EXOC6: variants seen among roughly 807,000 people sequenced by gnomAD.
EXOC6 encodes the protein SEC15-like 1.
Under a neutral mutation model 112.5 loss-of-function variants are expected in EXOC6, and 60 were observed. The ratio of observed to expected loss-of-function variants is 0.53; its 90% confidence interval spans 0.43 to 0.66. EXOC6 has a LOEUF of 0.66. Among genes scored for constraint, EXOC6 ranks in the 30% least tolerant of loss-of-function variants. The probability of loss-of-function intolerance (pLI) is 0.00; values close to 1 mark genes in which losing one functional copy is unlikely to be tolerated. For missense variants in EXOC6, 855 were observed against 957.1 expected (o/e 0.89, Z 1.41); for synonymous variants, 295 against 308.0 (o/e 0.96, Z 0.44).
intron 5 of EXOC6, among the ~76,000 whole-genome samples, chr10:92,908,562 G>A (rs1396156926): frequency 6.6e-6 from 1 of 152,004 alleles, no homozygotes; most frequent in East Asian, 1.9e-4. Context: ...TATTATTGTA[G>A]GAAACTGATA....
intron 20 of EXOC6, among the ~76,000 whole-genome samples, chr10:93,041,228 C>A (rs903429036): frequency 2.6e-5 from 3 of 114,222 alleles, no homozygotes; most frequent in African/African-American, 1.1e-4. Context: ...TAACTACTTG[C>A]CTACCTATTC....
At chr10:92,847,808 T>C (rs1469220164), upstream of EXOC6, among the ~76,000 whole-genome samples, 1 of 149,918 alleles carries the variant, frequency 6.7e-6, no homozygotes, top group Non-Finnish European at 1.5e-5. Flanking sequence ...TCACGGACTT[T>C]GGTATGAATT....
chr10:93,028,545 T>C (rs1371396243), intron 20 of EXOC6, among the ~76,000 whole-genome samples: 1 of 151,782 alleles, frequency 6.6e-6, no homozygotes, highest in African/African-American at 2.4e-5. Flanking sequence ...CACAAGGAAA[T>C]TAGAATATGC....
intron 15 of EXOC6, among the ~76,000 whole-genome samples, chr10:92,952,950 A>G (rs1028268820): frequency 1.3e-5 from 2 of 152,204 alleles, no homozygotes; most frequent in Non-Finnish European, 1.5e-5. Flanking sequence ...TATTGTGAAT[A>G]GTGCTGTAAT....
intron 21 of EXOC6, among the ~76,000 whole-genome samples, chr10:93,057,669 AAAAT>A (rs1846610612): frequency 6.6e-6 from 1 of 152,220 alleles, no homozygotes; most frequent in Non-Finnish European, 1.5e-5. Context: ...CTGGATAAGA[AAAAT>A]AAAAAAGTAT....
intron 12 of EXOC6, among the ~76,000 whole-genome samples, chr10:92,938,235 C>T (rs1202603406): frequency 6.6e-6 from 1 of 151,944 alleles, no homozygotes; most frequent in African/African-American, 2.4e-5. Context: ...TTACATAAAC[C>T]CTTGCAAGGA....
At chr10:92,909,950 C>T (rs1045269552) in intron 6 of EXOC6, among the ~76,000 whole-genome samples, 5 of 152,262 alleles carry the variant, frequency 3.3e-5, no homozygotes, top group Non-Finnish European at 5.9e-5. Flanking sequence ...AGTGGCAGCC[C>T]CAGAGGCAAG....
intron 19 of EXOC6, 34 bp from the exon 20 acceptor site, chr10:93,014,160 C>T: frequency 6.5e-7 from 1 of 1,542,814 alleles, no homozygotes; most frequent in Non-Finnish European, 8.9e-7. Flanking sequence ...TTTGTGATCT[C>T]ATTTTTATTC....
chr10:93,041,039 C>T (rs987145251), intron 20 of EXOC6, among the ~76,000 whole-genome samples: 3 of 152,180 alleles, frequency 2.0e-5, no homozygotes, highest in Admixed American at 6.5e-5. Context: ...GTGTGTGTCC[C>T]GCATGCTGTG....
intron 17 of EXOC6, among the ~76,000 whole-genome samples, chr10:92,969,754 C>T (rs766785660): frequency 2.0e-5 from 3 of 151,994 alleles, no homozygotes; most frequent in Admixed American, 6.6e-5. Context: ...AGTGCAGTGG[C>T]GCGATCTCAG....
At chr10:92,837,867 A>G (rs1226092732) in intron 1 of EXOC6, among the ~76,000 whole-genome samples, 1 of 152,222 alleles carries the variant, frequency 6.6e-6, no homozygotes, top group Non-Finnish European at 1.5e-5. Flanking sequence ...ATTGAGGTAG[A>G]GAGAATACTG....
intron 17 of EXOC6, among the ~76,000 whole-genome samples, chr10:92,962,850 T>G (rs1854089031): frequency 6.6e-6 from 1 of 152,198 alleles, no homozygotes. Flanking sequence ...CATGTTTGAT[T>G]TGGTTTTGTG....
rs191397251 is a variant in EXOC6 at position 92,850,275 on chromosome 10, G to A, written c.101+1641G>A. 1.2e-4 allele frequency among the ~76,000 whole-genome samples: 19 copies of A among 152,286 alleles called. No homozygotes were observed. The East Asian group carries it at 3.5e-3, about 28-fold the overall frequency. ...ATTGAGAGATTTTTGGGACACTCAGGAACAGAATATGTGTATTCATAGTGT... is the reference window on the plus strand; with the variant it reads ...ATTGAGAGATTTTTGGGACACTCAGAAACAGAATATGTGTATTCATAGTGT... On this transcript the variant is annotated intron_variant, in intron 1 of 21. Transcript: ENST00000260762.
intron 7 of EXOC6, 90 bp from the exon 8 acceptor site, chr10:92,919,892 G>T (rs1589832834): frequency 1.4e-6 from 1 of 729,390 alleles, no homozygotes; most frequent in Non-Finnish European, 2.2e-6. Context: ...CAAAGTTCAT[G>T]AATCTTCTTG....
At chr10:92,929,014 C>A (rs1224832447) in intron 9 of EXOC6, among the ~76,000 whole-genome samples, 1 of 152,176 alleles carries the variant, frequency 6.6e-6, no homozygotes, top group Non-Finnish European at 1.5e-5. Context: ...CTGAATATAG[C>A]TTTTATCCTA....
Position 92,848,565 on chromosome 10 carries a change from T to C in EXOC6, c.32T>C (p.Val11Ala). Residue 11 changes from valine to alanine, a missense_variant, in exon 1 of 22, where the codon GTC (valine) becomes GCC (alanine). Physicochemically the swap from Val to Ala is moderately conservative, Grantham distance 64. This residue lies in a region of EXOC6 where 405 missense variants were observed against 393.6 expected (regional missense o/e 1.03). Transcript: ENST00000260762. ...GAGAACAGCGAGAGTCTGGGCACCG[T>C]CCCCGAGCACGAGCGGATCTTGCAG... MAENSESLGT[V>A]PEHERILQEI... The C allele has an allele frequency of 1.4e-6, 2 of 1,442,838 alleles. No individual in the cohort carries two copies. Among genetic ancestry groups the C allele is most frequent in the Admixed American group, 2.0e-5 (1 of 49,204 alleles). 89.4% of individuals were successfully genotyped at this position (1,442,838 alleles called of 1,614,324 possible).
chr10:92,909,759 T>C, intron 6 of EXOC6, 128 bp downstream of exon 6: 1 of 628,858 alleles, frequency 1.6e-6, no homozygotes, highest in South Asian at 2.3e-5. Flanking sequence ...TCTTTTCTGG[T>C]TATTGTTTAG....
chr10:92,882,232 C>A (rs1187099764), intron 1 of EXOC6, among the ~76,000 whole-genome samples: 5 of 151,952 alleles, frequency 3.3e-5, no homozygotes, highest in African/African-American at 1.2e-4. Context: ...TTTGAGCAAA[C>A]CTTTTGTGCA....
chr10:92,983,421 G>A (rs1038414975), intron 18 of EXOC6, among the ~76,000 whole-genome samples: 4 of 151,300 alleles, frequency 2.6e-5, no homozygotes, highest in African/African-American at 7.3e-5. Flanking sequence ...AAAAGTACAA[G>A]TAGCAACCTT....
Sources: gnomAD v4.1 joint callset for allele counts (sites outside exome capture counted in the v4.1 genomes callset) on GRCh38, gnomAD v4.1.1 for gene constraint, gnomAD v4.1.1 regional missense constraint, MANE v1.5 for transcripts, NCBI Gene and HGNC (gene_info 2026-07-23, HGNC 2026-07-21) for gene names.